FAM227B: variants seen among roughly 807,000 people sequenced by gnomAD.
FAM227B encodes family with sequence similarity 227 member B.
A neutral mutation model predicts 73.8 loss-of-function variants in FAM227B; 88 were observed. The ratio of observed to expected loss-of-function variants is 1.19; its 90% CI spans 1.00 to 1.42. The LOEUF (loss-of-function observed/expected upper bound fraction) is 1.42, where lower values mean the gene tolerates loss of function less well. Ranked by LOEUF, FAM227B falls within the 40% of genes most tolerant of loss-of-function variation. The pLI is 0.00. For missense variants in FAM227B, 632 were observed against 590.9 expected (o/e 1.07, Z -0.72); for synonymous variants, 210 against 190.5 (o/e 1.10, Z -0.84).
At chr15:49,422,645 A>G in intron 11 of FAM227B, 1 of 1,091,644 alleles carries the variant, frequency 9.2e-7, no homozygotes, top group South Asian at 1.3e-5. Flanking sequence ...ACAGCAGGTA[A>G]CTTGCCCGAA....
At chr15:49,428,466 C>T (rs1285713995) in intron 11 of FAM227B, among the ~76,000 whole-genome samples, 3 of 151,890 alleles carry the variant, frequency 2.0e-5, no homozygotes, top group East Asian at 1.9e-4. Context: ...CAGAACTCTC[C>T]CCATGGGGAC....
intron 1 of FAM227B, among the ~76,000 whole-genome samples, chr15:49,619,167 GA>G (rs917005481): frequency 7.4e-5 from 11 of 148,452 alleles, no homozygotes; most frequent in East Asian, 1.9e-4. Flanking sequence ...CTTTTGTGAG[GA>G]AAAAAAAAAG....
chr15:49,594,121 G>A (rs9920574), intron 3 of FAM227B, among the ~76,000 whole-genome samples: 27,820 of 151,840 alleles, frequency 0.18, 3,157 homozygotes, highest in Non-Finnish European at 0.25. Flanking sequence ...GGCAATTCTC[G>A]CAGGAGTAAG....
intron 11 of FAM227B, chr15:49,487,504 G>C (rs2056497436): frequency 1.3e-5 from 2 of 151,792 alleles, no homozygotes; most frequent in South Asian, 4.2e-4. Flanking sequence ...CAGAAGAGAA[G>C]GGATGCTGGA....
At chr15:49,568,195 T>C in intron 9 of FAM227B, 50 bp downstream of exon 9, 1 of 1,450,256 alleles carries the variant, frequency 6.9e-7, no homozygotes, top group Middle Eastern at 1.8e-4. Context: ...ATTTTTTCTA[T>C]TTCATTCACT....
intron 13 of FAM227B, among the ~76,000 whole-genome samples, chr15:49,360,606 A>T (rs1268500704): frequency 6.6e-6 from 1 of 152,142 alleles, no homozygotes; most frequent in Non-Finnish European, 1.5e-5. Context: ...GCAGCTCTAA[A>T]TACATTTTAT....
chr15:49,587,159 A>G (rs575678618), intron 5 of FAM227B, among the ~76,000 whole-genome samples: 2 of 152,308 alleles, frequency 1.3e-5, no homozygotes, highest in East Asian at 3.9e-4. Context: ...CCTAAGAAAC[A>G]ACAAGATCAT....
rs1052612910 is a variant in FAM227B, at chr15:49,528,332, T to A, written c.874+13348A>T. Among the ~76,000 whole-genome samples the A allele has an allele frequency of 1.2e-4, 18 of 151,830 alleles. 1 individual carries two copies. The highest frequency in any genetic ancestry group is 3.2e-3 in the Middle Eastern group (1 of 316). Reference sequence around the variant, plus strand: ...GAAACTGGACCCCTATCTCTCATCGTATGCAAAAATTAACCTAAGATAGAT... The same window carrying A: ...GAAACTGGACCCCTATCTCTCATCGAATGCAAAAATTAACCTAAGATAGAT... On this transcript the variant is annotated intron_variant, in intron 10 of 15. Transcript: ENST00000299338.
chr15:49,379,567 T>C (rs184147111), intron 11 of FAM227B, among the ~76,000 whole-genome samples: 23 of 152,384 alleles, frequency 1.5e-4, no homozygotes, highest in Non-Finnish European at 2.4e-4. Flanking sequence ...TGCCATATAT[T>C]TGCTCACAGT....
chr15:49,556,191 C>T (rs900712670), intron 9 of FAM227B, among the ~76,000 whole-genome samples: 1 of 152,098 alleles, frequency 6.6e-6, no homozygotes, highest in African/African-American at 2.4e-5. Flanking sequence ...TCCTTCTCAT[C>T]TTCATGAGCT....
chr15:49,463,617 T>C lies in FAM227B; in HGVS notation c.1012+44594A>G, dbSNP rs556882915. Among the ~76,000 whole-genome samples, 7 of 151,806 alleles carry C rather than the reference T, an allele frequency of 4.6e-5. No homozygotes were observed. In the East Asian group the frequency reaches 1.4e-3, roughly 29 times the overall value. On this transcript the variant is annotated intron_variant, in intron 11 of 15. Coordinates refer to ENST00000299338, the MANE Select transcript of FAM227B (RefSeq NM_152647.3). ...GTTCTTAATGGTCTAGCCCTGCCTA[T>C]ATTTCTTATTTCTTTTCCTGGAAGT...
chr15:49,367,344 TA>T, intron 13 of FAM227B, 103 bp downstream of exon 13: 1 of 1,051,386 alleles, frequency 9.5e-7, no homozygotes, highest in Non-Finnish European at 1.3e-6. Flanking sequence ...GAAGCATTGA[TA>T]AAACATGCAT....
chr15:49,591,362 ACCCTCCCT>A (rs1318266574), intron 3 of FAM227B, among the ~76,000 whole-genome samples: 3 of 102,412 alleles, frequency 2.9e-5, no homozygotes, highest in Admixed American at 1.1e-4. Context: ...GAGCCACCAC[ACCCTCCCT>A]CCCTCCCTCC....
chr15:49,396,891 T>C (rs1000868315), intron 11 of FAM227B, among the ~76,000 whole-genome samples: 2 of 151,834 alleles, frequency 1.3e-5, no homozygotes, highest in South Asian at 4.2e-4. Flanking sequence ...ACCACAAAGA[T>C]GGGGAAAAAA....
intron 11 of FAM227B, among the ~76,000 whole-genome samples, chr15:49,458,697 A>G (rs2053533408): frequency 6.6e-6 from 1 of 152,160 alleles, no homozygotes; most frequent in Non-Finnish European, 1.5e-5. Context: ...AATCAACTTC[A>G]TAATAATGTT....
chr15:49,543,997 T>C (rs57097153), intron 9 of FAM227B, among the ~76,000 whole-genome samples: 2,347 of 152,270 alleles, frequency 0.015, 24 homozygotes, highest in Non-Finnish European at 0.025. Context: ...TGGTTCCATA[T>C]GAATTTTAGA....
intron 11 of FAM227B, among the ~76,000 whole-genome samples, chr15:49,466,367 C>T (rs2054268622): frequency 1.3e-5 from 2 of 152,118 alleles, no homozygotes; most frequent in Non-Finnish European, 2.9e-5. Context: ...CAGGTAGAGA[C>T]TGACATTTTG....
At chr15:49,612,040 T>C (rs1447148018) in intron 2 of FAM227B, among the ~76,000 whole-genome samples, 2 of 151,998 alleles carry the variant, frequency 1.3e-5, no homozygotes, top group African/African-American at 4.8e-5. Flanking sequence ...TTTCTTTTTT[T>C]TTTTTTTTAA....
chr15:49,458,616 G>C (rs1186200358), intron 11 of FAM227B, among the ~76,000 whole-genome samples: 1 of 151,986 alleles, frequency 6.6e-6, no homozygotes, highest in African/African-American at 2.4e-5. Flanking sequence ...AAATCAGAGG[G>C]AACTTTATGT....
Sources: allele counts gnomAD v4.1 joint callset (sites outside exome capture counted in the v4.1 genomes callset), GRCh38; gene constraint gnomAD v4.1.1; transcripts MANE v1.5; gene names NCBI Gene and HGNC (gene_info 2026-07-23, HGNC 2026-07-21).